ZEB2: variants seen among roughly 807,000 people sequenced by gnomAD.
ZEB2 encodes the protein zinc finger E-box binding homeobox 2.
A neutral mutation model predicts 99.9 loss-of-function variants in ZEB2; 6 were observed. That is an observed-to-expected ratio of 0.06 (90% CI 0.03 to 0.12). ZEB2 has a LOEUF of 0.12. ZEB2 is among the 10% of genes least tolerant of loss of function. The pLI, the probability that ZEB2 is intolerant of heterozygous loss-of-function variation, is 1.00. For missense variants in ZEB2, 969 were observed against 1,502.8 expected, an observed-to-expected ratio of 0.64 and a Z score of 5.87; for synonymous variants, 517 against 542.5, an observed-to-expected ratio of 0.95 and a Z score of 0.65.
At chr2:144,439,928 A>G (rs1465571495) in intron 2 of ZEB2, among the ~76,000 whole-genome samples, 2 of 152,218 alleles carry the variant, frequency 1.3e-5, no homozygotes, top group Non-Finnish European at 2.9e-5. Context: ...GAACTTTGAA[A>G]TGCTGAATGT....
chr2:144,494,174 A>AAAAAAAAAGG (rs1704727311), intron 2 of ZEB2: 1 of 151,942 alleles, frequency 6.6e-6, no homozygotes, highest in Non-Finnish European at 1.5e-5. Context: ...AAAAAAAAAA[A>AAAAAAAAAGG]AATAGATTGT....
intron 2 of ZEB2, among the ~76,000 whole-genome samples, chr2:144,484,443 G>C (rs1246579274): frequency 6.6e-6 from 1 of 151,954 alleles, no homozygotes; most frequent in East Asian, 1.9e-4. Flanking sequence ...CAAATGTGTA[G>C]GACTCTTCTT....
intron 2 of ZEB2, among the ~76,000 whole-genome samples, chr2:144,515,671 CA>C (rs1414556184): frequency 1.3e-5 from 2 of 151,848 alleles, no homozygotes; most frequent in East Asian, 3.9e-4. Flanking sequence ...AGGGGAAAGG[CA>C]GGATAACGTA....
chr2:144,468,758 A>G (rs1048754988), intron 2 of ZEB2, among the ~76,000 whole-genome samples: 41 of 152,086 alleles, frequency 2.7e-4, no homozygotes, highest in Admixed American at 2.4e-3. Flanking sequence ...CTGTGCTGCT[A>G]AAACTCAGAG....
At chr2:144,433,580 C>A (rs1703800836) in intron 2 of ZEB2, among the ~76,000 whole-genome samples, 1 of 152,108 alleles carries the variant, frequency 6.6e-6, no homozygotes, top group Non-Finnish European at 1.5e-5. Flanking sequence ...TGCTTTATAG[C>A]AAATGGGCCT....
intron 2 of ZEB2, among the ~76,000 whole-genome samples, chr2:144,514,979 T>C (rs1705106933): frequency 6.6e-6 from 1 of 152,192 alleles, no homozygotes; most frequent in African/African-American, 2.4e-5. Context: ...GGCCTCCCTC[T>C]CTGCCAGGTC....
At chr2:144,456,294 A>C (rs1042950296) in intron 2 of ZEB2, among the ~76,000 whole-genome samples, 2 of 152,204 alleles carry the variant, frequency 1.3e-5, no homozygotes, top group Admixed American at 6.5e-5. Flanking sequence ...AAGAGAAAGG[A>C]AAACAACCAT....
At chr2:144,464,829 A>C (rs1435382660) in intron 2 of ZEB2, among the ~76,000 whole-genome samples, 1 of 152,208 alleles carries the variant, frequency 6.6e-6, no homozygotes, top group Non-Finnish European at 1.5e-5. Flanking sequence ...TTCCAGACAA[A>C]GACTGTGACA....
At chr2:144,400,770 A>AT (rs1462720463) in intron 7 of ZEB2, among the ~76,000 whole-genome samples, 3 of 152,222 alleles carry the variant, frequency 2.0e-5, no homozygotes, top group Non-Finnish European at 4.4e-5. Context: ...CTGTTCTGTG[A>AT]TCCACGGCCC....
chr2:144,403,568 G>A (rs1445664262), intron 6 of ZEB2, among the ~76,000 whole-genome samples: 2 of 152,106 alleles, frequency 1.3e-5, no homozygotes, highest in East Asian at 1.9e-4. Context: ...GTAAAGCGAG[G>A]TGAAAAATGG....
At chr2:144,496,974 C>T (rs887020206) in intron 2 of ZEB2, 1 of 152,174 alleles carries the variant, frequency 6.6e-6, no homozygotes, top group African/African-American at 2.4e-5. Flanking sequence ...TCTTCTGCTC[C>T]CTGACCACCT....
intron 2 of ZEB2, among the ~76,000 whole-genome samples, 167 bp from the exon 3 acceptor site, chr2:144,430,193 T>C (rs935572162): frequency 6.6e-6 from 1 of 152,206 alleles, no homozygotes; most frequent in African/African-American, 2.4e-5. Context: ...TTTTTATTCT[T>C]TTTCAATTAT....
At chr2:144,432,550 T>G (rs1014411689) in intron 2 of ZEB2, among the ~76,000 whole-genome samples, 3 of 152,144 alleles carry the variant, frequency 2.0e-5, no homozygotes, top group African/African-American at 7.2e-5. Flanking sequence ...AGATGGACTT[T>G]GCACTTCCTG....
intron 9 of ZEB2, chr2:144,390,568 A>G (rs892732781): frequency 4.9e-6 from 1 of 202,320 alleles, no homozygotes; most frequent in Non-Finnish European, 1.0e-5. Flanking sequence ...CAGAGGAAAG[A>G]GGATGTCAAG....
rs949031342 is a variant in ZEB2 at position 144,493,158 on chromosome 2, T to TA, written c.73+24119dup. Among the ~76,000 whole-genome samples, 1,089 of 146,524 alleles carry TA rather than the reference T, an allele frequency of 7.4e-3. 6 individuals are homozygous for TA. The highest frequency in any genetic ancestry group is 0.021 in the Middle Eastern group (6 of 282). ...CTTTTTTTAAGTACTCTCCAAAGAG[T>TA]AAAAAAAAAAGGAACGAATATCTCA... is the stretch of plus-strand genomic sequence containing the variant. On this transcript the variant is annotated intron_variant, in intron 2 of 9. Transcript: ENST00000627532.
intron 2 of ZEB2, 37 bp from the exon 3 acceptor site, chr2:144,430,063 C>G: frequency 6.2e-7 from 1 of 1,608,432 alleles, no homozygotes; most frequent in South Asian, 1.1e-5. Context: ...TCTAAACACT[C>G]TGTTGAGAAA....
chr2:144,431,756 T>TC (rs397794679), intron 2 of ZEB2, among the ~76,000 whole-genome samples: 7 of 147,046 alleles, frequency 4.8e-5, no homozygotes, highest in Admixed American at 2.7e-4. Flanking sequence ...TTTTTTTTTT[T>TC]CCTGGTGACT....
intron 4 of ZEB2, among the ~76,000 whole-genome samples, chr2:144,414,948 A>ATGTGTGTGTG (rs34257771): frequency 2.0e-4 from 30 of 148,002 alleles, no homozygotes; most frequent in Non-Finnish European, 2.7e-4. Context: ...TTCAGAGTGT[A>ATGTGTGTGTG]TGTGTGTGTG....
At chr2:144,419,397 C>T (rs1415814694) in intron 4 of ZEB2, among the ~76,000 whole-genome samples, 1 of 152,134 alleles carries the variant, frequency 6.6e-6, no homozygotes, top group East Asian at 1.9e-4. Context: ...GCAAAGGAAG[C>T]GCAGATGCAG....
Sources: gnomAD v4.1 joint callset for allele counts (sites outside exome capture counted in the v4.1 genomes callset) on GRCh38, gnomAD v4.1.1 for gene constraint, MANE v1.5 for transcripts, NCBI Gene and HGNC (gene_info 2026-07-23, HGNC 2026-07-21) for gene names.